The following ADAM12 variants were observed in gnomAD, a reference collection of about 807,000 sequenced individuals.
ADAM12 encodes ADAM metallopeptidase domain 12.
A neutral mutation model predicts 106.4 loss-of-function variants in ADAM12; 70 were observed. The ratio of observed to expected loss-of-function variants is 0.66; its 90% CI spans 0.54 to 0.80. ADAM12 has a LOEUF of 0.80. ADAM12 is among the 30% of genes least tolerant of loss of function. The pLI, the probability that ADAM12 is intolerant of heterozygous loss-of-function variation, is 0.00. For missense variants in ADAM12, 1,010 were observed against 1,171.9 expected (o/e 0.86, Z 2.02); for synonymous variants, 420 against 433.5 (o/e 0.97, Z 0.39).
chr10:126,143,325 G>T (rs12784107), intron 4 of ADAM12, among the ~76,000 whole-genome samples: 47,913 of 148,572 alleles, frequency 0.32, 8,005 homozygotes, highest in Non-Finnish European at 0.38. Flanking sequence ...TGTATATGGT[G>T]TGCACATGTG....
chr10:126,027,485 CAG>C (rs920046267), intron 21 of ADAM12, among the ~76,000 whole-genome samples: 1 of 152,118 alleles, frequency 6.6e-6, no homozygotes, highest in Middle Eastern at 3.2e-3. Context: ...TACAGGCAAA[CAG>C]AATCTGGCAG....
chr10:126,184,709 G>T (rs1957369247), intron 3 of ADAM12, among the ~76,000 whole-genome samples: 1 of 152,128 alleles, frequency 6.6e-6, no homozygotes, highest in Non-Finnish European at 1.5e-5. Flanking sequence ...TCTTGTGTTT[G>T]TGCTTGGTCT....
intron 1 of ADAM12, among the ~76,000 whole-genome samples, chr10:126,345,712 G>A (rs1855113876): frequency 1.3e-5 from 2 of 152,274 alleles, no homozygotes; most frequent in South Asian, 2.1e-4. Context: ...CCTGTTATTG[G>A]TCTATTCAGG....
intron 8 of ADAM12, among the ~76,000 whole-genome samples, chr10:126,105,845 A>G (rs2133590821): frequency 6.6e-6 from 1 of 152,364 alleles, no homozygotes; most frequent in South Asian, 2.1e-4. Flanking sequence ...TTGAATCTGC[A>G]AAGAGTAACT....
At chr10:126,114,437 C>T (rs569945630) in intron 6 of ADAM12, among the ~76,000 whole-genome samples, 1 of 152,208 alleles carries the variant, frequency 6.6e-6, no homozygotes, top group East Asian at 1.9e-4. Context: ...AAGCCCAGGG[C>T]CAAGGAAGTG....
intron 5 of ADAM12, among the ~76,000 whole-genome samples, chr10:126,124,909 AAAG>A (rs1176101761): frequency 1.3e-5 from 2 of 150,852 alleles, no homozygotes; most frequent in Admixed American, 6.6e-5. Context: ...AAAAAAAAAA[AAAG>A]AAAAAGAAAA....
intron 11 of ADAM12, among the ~76,000 whole-genome samples, chr10:126,075,534 G>T (rs535604888): frequency 1.3e-5 from 2 of 152,178 alleles, no homozygotes; most frequent in Non-Finnish European, 2.9e-5. Flanking sequence ...GAGTTAGAAA[G>T]AGTAGAATTA....
intron 3 of ADAM12, among the ~76,000 whole-genome samples, chr10:126,262,891 G>A (rs1959029012): frequency 6.6e-6 from 1 of 152,124 alleles, no homozygotes; most frequent in Non-Finnish European, 1.5e-5. Flanking sequence ...TCATCATGTT[G>A]GCGAGGGATG....
chr10:126,174,757 CTT>C (rs201248510), intron 3 of ADAM12, among the ~76,000 whole-genome samples: 19,710 of 145,450 alleles, frequency 0.14, 1,454 homozygotes, highest in East Asian at 0.33. Flanking sequence ...CTCACCCCCC[CTT>C]TTTTTTTTTT....
At chr10:126,234,342 A>G (rs1011222655) in intron 3 of ADAM12, among the ~76,000 whole-genome samples, 5 of 152,266 alleles carry the variant, frequency 3.3e-5, no homozygotes, top group South Asian at 2.1e-4. Context: ...ATAAAAACTC[A>G]TAAGTATTCT....
chr10:126,082,651 G>A (rs1270970268), intron 11 of ADAM12, among the ~76,000 whole-genome samples: 3 of 152,104 alleles, frequency 2.0e-5, no homozygotes, highest in Non-Finnish European at 2.9e-5. Flanking sequence ...GATTACAGGC[G>A]TGAGCCACCA....
chr10:126,188,463 G>GT (rs1035081098), intron 3 of ADAM12, among the ~76,000 whole-genome samples: 2 of 152,088 alleles, frequency 1.3e-5, no homozygotes, highest in Non-Finnish European at 2.9e-5. Context: ...TGGTCCATCT[G>GT]TTTTTTTCCT....
chr10:126,150,789 A>G (rs1392043954), intron 4 of ADAM12, among the ~76,000 whole-genome samples: 1 of 152,202 alleles, frequency 6.6e-6, no homozygotes, highest in Non-Finnish European at 1.5e-5. Context: ...TGAACAGGCC[A>G]TTCTGCTGCA....
chr10:126,123,695 G>A (rs1046170101), intron 5 of ADAM12, among the ~76,000 whole-genome samples: 3 of 152,198 alleles, frequency 2.0e-5, no homozygotes, highest in Admixed American at 6.5e-5. Context: ...GGACCCAGGC[G>A]GGACCTGTGT....
chr10:126,301,673 G>C (rs1159951370), intron 2 of ADAM12, among the ~76,000 whole-genome samples: 1 of 152,062 alleles, frequency 6.6e-6, no homozygotes, highest in Non-Finnish European at 1.5e-5. Context: ...GTGACCAGCT[G>C]GTAAGAAGCT....
chr10:126,040,870 C>T (rs566060304), intron 18 of ADAM12, among the ~76,000 whole-genome samples: 177 of 152,222 alleles, frequency 1.2e-3, no homozygotes, highest in Non-Finnish European at 2.2e-3. Flanking sequence ...GCCAGAGGCC[C>T]GGGCAGTGAC....
At chr10:126,085,254 A>G (rs1955314656) in intron 11 of ADAM12, among the ~76,000 whole-genome samples, 1 of 152,122 alleles carries the variant, frequency 6.6e-6, no homozygotes, top group Admixed American at 6.6e-5. Flanking sequence ...TATTTATTGT[A>G]TTGTGTGTAT....
rs550343387 is a variant in ADAM12, at chr10:126,338,188, C to T, written c.89-7679G>A. Reference sequence around the variant, plus strand: ...CTCTACTACACATAAACATAACTGTCCATGCCTATGGTGCCTCCCAGCTGT... The same window carrying T: ...CTCTACTACACATAAACATAACTGTTCATGCCTATGGTGCCTCCCAGCTGT... On this transcript the variant is annotated intron_variant, in intron 1 of 22. Coordinates refer to ENST00000448723, the MANE Select transcript of ADAM12 (RefSeq NM_001288973.2). Among the ~76,000 whole-genome samples the T allele has an allele frequency of 2.0e-5, 3 of 152,036 alleles. No individual in the cohort carries two copies. The South Asian group carries it at 6.2e-4, about 32-fold the overall frequency.
chr10:126,257,385 A>C (rs1958913939), intron 3 of ADAM12, among the ~76,000 whole-genome samples: 1 of 152,198 alleles, frequency 6.6e-6, no homozygotes, highest in African/African-American at 2.4e-5. Flanking sequence ...TTCGCTGCTG[A>C]GAGAATGCAG....
Sources: allele counts gnomAD v4.1 joint callset (sites outside exome capture counted in the v4.1 genomes callset), GRCh38; gene constraint gnomAD v4.1.1; transcripts MANE v1.5; gene names NCBI Gene and HGNC (gene_info 2026-07-23, HGNC 2026-07-21).